The following OSBPL10 variants were observed in gnomAD, a reference collection of about 807,000 sequenced individuals.
OSBPL10 encodes the protein oxysterol binding protein like 10.
A neutral mutation model predicts 81.7 loss-of-function variants in OSBPL10; 49 were observed. That is an observed-to-expected ratio of 0.60 (90% CI 0.48 to 0.76). OSBPL10 has a LOEUF of 0.76. Ranked by LOEUF, OSBPL10 falls within the 30% of genes least tolerant of loss-of-function variation. The pLI is 0.00. For synonymous variants in OSBPL10, 419 were observed against 383.6 expected (o/e 1.09, Z -1.08); for missense variants, 923 against 987.8 (o/e 0.93, Z 0.88).
chr3:32,048,341 C>T (rs1250657681), intron 1 of OSBPL10, among the ~76,000 whole-genome samples: 1 of 140,604 alleles, frequency 7.1e-6, no homozygotes, highest in Non-Finnish European at 1.5e-5. Context: ...GACAGTTTCA[C>T]TCATTGCCCA....
At chr3:31,968,647 T>G (rs758118628) in intron 1 of OSBPL10, among the ~76,000 whole-genome samples, 2 of 152,208 alleles carry the variant, frequency 1.3e-5, no homozygotes, top group Non-Finnish European at 1.5e-5. Context: ...ATCCTATTAA[T>G]CAACATGAGA....
intron 1 of OSBPL10, among the ~76,000 whole-genome samples, chr3:31,956,404 G>A (rs1021065128): frequency 6.6e-6 from 1 of 152,140 alleles, no homozygotes; most frequent in Non-Finnish European, 1.5e-5. Flanking sequence ...CAGGTAAGAG[G>A]GACAACAGAG....
At position 31,683,189 on chromosome 3, in the gene OSBPL10, A is replaced by G. The variant is rs553469503; in HGVS notation, c.1726+445T>C. 1.4e-3 allele frequency among the ~76,000 whole-genome samples: 208 copies of G among 152,352 alleles called. 3 individuals are homozygous for G. Among genetic ancestry groups the G allele is most frequent in the African/African-American group, 4.9e-3 (202 of 41,582 alleles). ...TCAGAATTTCCAGCATAGAGTCAAA[A>G]GATTTGTTTTGGGAATTTTTACGAG... On this transcript the variant is annotated intron_variant, in intron 8 of 11. Transcript: ENST00000396556.
chr3:31,929,059 A>G (rs773746395), intron 1 of OSBPL10, among the ~76,000 whole-genome samples: 4 of 152,230 alleles, frequency 2.6e-5, no homozygotes, highest in Non-Finnish European at 5.9e-5. Context: ...ACATCCAGCT[A>G]GGATTAAAAA....
chr3:31,745,025 G>T (rs1436822025), intron 5 of OSBPL10, among the ~76,000 whole-genome samples: 1 of 152,180 alleles, frequency 6.6e-6, no homozygotes, highest in Non-Finnish European at 1.5e-5. Context: ...GGTCACTGAG[G>T]CTCATTCCAG....
intron 3 of OSBPL10, 39 bp downstream of exon 3, chr3:31,876,394 G>A: frequency 6.6e-7 from 1 of 1,523,732 alleles, no homozygotes; most frequent in Non-Finnish European, 9.1e-7. Flanking sequence ...AGCCAGGCTG[G>A]TTATTCGAAT....
rs768585415 is a variant in OSBPL10 at position 31,661,852 on chromosome 3, G to A, written c.*220C>T. 19 of 531,248 alleles carry A rather than the reference G, an allele frequency of 3.6e-5. No homozygotes were observed. Among genetic ancestry groups the A allele is most frequent in the East Asian group, 1.9e-4 (6 of 31,008 alleles). 32.9% of individuals were successfully genotyped at this position (531,248 alleles called of 1,614,324 possible). A position where few individuals can be genotyped will look rare whatever the true frequency, so the allele number is the denominator to read the frequency against. On this transcript the variant is annotated 3_prime_UTR_variant, in exon 12 of 12. Coordinates refer to ENST00000396556, the MANE Select transcript of OSBPL10 (RefSeq NM_017784.5). ...ATAGTGCATGTGTGTGAACGTATAC[G>A]GTGTGTACACACACGTGCCCCGAAT...
chr3:31,700,207 G>C (rs1695850725), intron 7 of OSBPL10: 1 of 152,198 alleles, frequency 6.6e-6, no homozygotes, highest in African/African-American at 2.4e-5. Flanking sequence ...TGAGTATTGG[G>C]AGAAATGCAA....
At chr3:31,715,882 G>A (rs1203809788) in intron 6 of OSBPL10, among the ~76,000 whole-genome samples, 4 of 152,156 alleles carry the variant, frequency 2.6e-5, no homozygotes, top group Non-Finnish European at 4.4e-5. Flanking sequence ...GACTAAAGTC[G>A]ACGGTACCAC....
At chr3:31,684,586 T>C (rs191723187) in intron 7 of OSBPL10, among the ~76,000 whole-genome samples, 56 of 151,712 alleles carry the variant, frequency 3.7e-4, no homozygotes, top group Middle Eastern at 3.4e-3. Context: ...TCATAGGGGG[T>C]CCAGGCAGAC....
chr3:31,795,982 C>A (rs929693830), intron 4 of OSBPL10: 8 of 215,200 alleles, frequency 3.7e-5, no homozygotes, highest in African/African-American at 1.6e-4. Context: ...CTCTGCACTT[C>A]GTGTTCATAC....
intron 4 of OSBPL10, among the ~76,000 whole-genome samples, chr3:31,828,912 C>G (rs1211332097): frequency 6.6e-6 from 1 of 152,064 alleles, no homozygotes; most frequent in African/African-American, 2.4e-5. Flanking sequence ...AATTCTGACT[C>G]TCTACTTTTT....
intron 3 of OSBPL10, among the ~76,000 whole-genome samples, chr3:31,867,508 A>C (rs1701209189): frequency 6.6e-6 from 1 of 152,120 alleles, no homozygotes; most frequent in African/African-American, 2.4e-5. Flanking sequence ...TTGGGAGCCC[A>C]AGGAGGGTGG....
chr3:31,773,580 T>A (rs1698444572), intron 4 of OSBPL10, among the ~76,000 whole-genome samples: 1 of 152,190 alleles, frequency 6.6e-6, no homozygotes, highest in Non-Finnish European at 1.5e-5. Flanking sequence ...GTACAAAAGG[T>A]CCCATATTAT....
intron 4 of OSBPL10, chr3:31,796,169 C>G (rs1699206290): frequency 5.2e-6 from 1 of 193,732 alleles, no homozygotes; most frequent in Non-Finnish European, 1.2e-5. Flanking sequence ...GTAGAAAGGC[C>G]TTATGAGTGC....
intron 1 of OSBPL10, among the ~76,000 whole-genome samples, chr3:31,969,175 A>G (rs576179988): frequency 1.6e-4 from 25 of 152,292 alleles, no homozygotes; most frequent in African/African-American, 5.3e-4. Flanking sequence ...GCATGATCCT[A>G]TTTCAGCCAA....
intron 4 of OSBPL10, among the ~76,000 whole-genome samples, chr3:31,760,178 G>A (rs1406987020): frequency 6.6e-6 from 1 of 152,202 alleles, no homozygotes; most frequent in East Asian, 1.9e-4. Context: ...GGCTGAGGAG[G>A]AGGAGAATAG....
chr3:31,705,381 C>CCA (rs1553615904), intron 6 of OSBPL10, among the ~76,000 whole-genome samples: 4,757 of 141,158 alleles, frequency 0.034, 341 homozygotes, highest in African/African-American at 0.12. Flanking sequence ...GACCCCCCCC[C>CCA]CCACCCCCAT....
chr3:31,908,345 G>A (rs530198958), intron 1 of OSBPL10, among the ~76,000 whole-genome samples: 164 of 152,278 alleles, frequency 1.1e-3, no homozygotes, highest in African/African-American at 3.8e-3. Context: ...GAGAAAGGGG[G>A]ATCCACTAAG....
Sources: gnomAD v4.1 joint callset for allele counts (sites outside exome capture counted in the v4.1 genomes callset) on GRCh38, gnomAD v4.1.1 for gene constraint, MANE v1.5 for transcripts, NCBI Gene and HGNC (gene_info 2026-07-23, HGNC 2026-07-21) for gene names.